The following RGMA variants were observed in gnomAD, a reference collection of about 807,000 sequenced individuals.
RGMA encodes the protein repulsive guidance molecule A.
RGMA carries 10 observed loss-of-function variants against 23.2 expected under a neutral mutation model. That is an observed-to-expected ratio of 0.43 (90% confidence interval 0.27 to 0.73). The LOEUF is 0.73. Among genes scored for constraint, RGMA ranks in the 30% least tolerant of loss-of-function variants. RGMA has a pLI of 0.20. For synonymous variants in RGMA, 308 were observed against 279.3 expected (o/e 1.10, Z -1.03); for missense variants, 547 against 630.5 (o/e 0.87, Z 1.42).
chr15:93,056,522 G>A (rs1261942405), intron 2 of RGMA, among the ~76,000 whole-genome samples: 1 of 152,170 alleles, frequency 6.6e-6, no homozygotes, highest in Admixed American at 6.5e-5. Context: ...GTAGCTGTCT[G>A]CCTGCCACTC....
At chr15:93,073,894 G>C in intron 1 of RGMA, 2 of 1,458,490 alleles carry the variant, frequency 1.4e-6, no homozygotes, top group Non-Finnish European at 9.0e-7. Context: ...ACTCCAGAGA[G>C]ATGGCTATGC....
intron 3 of RGMA, among the ~76,000 whole-genome samples, chr15:93,048,881 C>T (rs2141801595): frequency 2.3e-5 from 2 of 85,834 alleles, no homozygotes. Context: ...GCCTGGTGTG[C>T]AGGGCCACAC....
At chr15:93,055,063 C>T (rs1014995201) in intron 2 of RGMA, among the ~76,000 whole-genome samples, 42 of 152,138 alleles carry the variant, frequency 2.8e-4, no homozygotes, top group South Asian at 1.7e-3. Context: ...ACACACAATG[C>T]CTGTCCCGGC....
rs373158205 is a variant in RGMA at position 93,035,618 on chromosome 15, G to C, written c.*9380C>G. ...GCAAGACCAATTTAGCAGGACTCTT[G>C]CTAAAACCGAACAATCCAGAGACAA... is the stretch of plus-strand genomic sequence containing the variant. On this transcript the variant is annotated 3_prime_UTR_variant, in exon 4 of 4. Transcript: ENST00000329082. 1 of 152,260 alleles carries C rather than the reference G, an allele frequency of 6.6e-6. No individual in the cohort carries two copies. The highest frequency in any genetic ancestry group is 1.5e-5 in the Non-Finnish European group (1 of 68,092). 9.4% of individuals were successfully genotyped at this position (152,260 alleles called of 1,614,324 possible).
intron 2 of RGMA, among the ~76,000 whole-genome samples, chr15:93,072,587 T>TC (rs1231591384): frequency 1.3e-5 from 2 of 151,768 alleles, no homozygotes; most frequent in African/African-American, 2.4e-5. Flanking sequence ...CCTCCCCTTC[T>TC]CCCCCTCTTC....
At chr15:93,049,538 T>G (rs1406755340) in intron 3 of RGMA, among the ~76,000 whole-genome samples, 1 of 152,138 alleles carries the variant, frequency 6.6e-6, no homozygotes, top group Non-Finnish European at 1.5e-5. Flanking sequence ...GGCTAAAATG[T>G]CCACGTAGAA....
At chr15:93,072,785 C>A (rs3752102) in intron 2 of RGMA, 131 bp downstream of exon 2, 477,498 of 997,536 alleles carry the variant, frequency 0.48, 122,400 homozygotes, top group East Asian at 0.89. Context: ...ACAAAAGACC[C>A]GTGGAAATAG....
At chr15:93,049,119 G>T (rs888802563) in intron 3 of RGMA, among the ~76,000 whole-genome samples, 2 of 152,222 alleles carry the variant, frequency 1.3e-5, no homozygotes, top group Non-Finnish European at 2.9e-5. Context: ...ACACAGCCAC[G>T]GGCGGGCTGC....
At chr15:93,070,959 C>A (rs891448125) in intron 2 of RGMA, among the ~76,000 whole-genome samples, 1 of 152,216 alleles carries the variant, frequency 6.6e-6, no homozygotes, top group African/African-American at 2.4e-5. Context: ...AACAAAACCA[C>A]CACCACTCAG....
rs371229752 is a variant in RGMA at position 93,057,560 on chromosome 15, AACG to A, written c.131-5056_131-5054del. On this transcript the variant is annotated intron_variant, in intron 2 of 3. Transcript: ENST00000329082. ...CCACCTCCAGAACGCTGAGAAAATA[AACG>A]TCTGTTGCTTAAGCCTCCTAGGCTG... 7.2e-5 allele frequency among the ~76,000 whole-genome samples: 11 copies of A among 152,214 alleles called. No homozygotes were observed. In the East Asian group the frequency reaches 1.5e-3, roughly 21 times the overall value.
rs1596099446 is a variant in RGMA at position 93,067,615 on chromosome 15, G to A, written c.130+5301C>T. Among the ~76,000 whole-genome samples the A allele has an allele frequency of 2.0e-5, 3 of 152,262 alleles. No homozygotes were observed. In the South Asian group the frequency reaches 6.2e-4, roughly 32 times the overall value. ...ACTGAGCTTGGAGTGGTGAAACTGG[G>A]CAGTGTCCAGAGCAATGCCTTAGAG... is the stretch of plus-strand genomic sequence containing the variant. On this transcript the variant is annotated intron_variant, in intron 2 of 3. Coordinates refer to ENST00000329082, the MANE Select transcript of RGMA (RefSeq NM_020211.3).
At chr15:93,085,653 G>A (rs1895624185) in intron 1 of RGMA, among the ~76,000 whole-genome samples, 1 of 152,194 alleles carries the variant, frequency 6.6e-6, no homozygotes, top group African/African-American at 2.4e-5. Flanking sequence ...AGTTACCAGT[G>A]ACTTAAAACT....
intron 2 of RGMA, chr15:93,065,946 G>A: frequency 1.2e-6 from 1 of 810,176 alleles, no homozygotes; most frequent in Non-Finnish European, 2.0e-6. Context: ...ACCGTCGGTA[G>A]AAGAAGGGTG....
At chr15:93,087,433 G>A (rs1410002466) in intron 1 of RGMA, among the ~76,000 whole-genome samples, 2 of 108,408 alleles carry the variant, frequency 1.8e-5, no homozygotes, top group Non-Finnish European at 3.4e-5. Flanking sequence ...ACTTGCTGTG[G>A]TAACAGCAAG....
At position 93,072,987 on chromosome 15, in the gene RGMA, C is replaced by T. The variant is rs772631907; in HGVS notation, c.59G>A (p.Gly20Glu). The T allele has an allele frequency of 6.2e-7, 1 of 1,611,520 alleles. No homozygotes were observed. Among genetic ancestry groups the T allele is most frequent in the South Asian group, 1.1e-5 (1 of 90,198 alleles). The change falls in exon 2 of 4, where the codon GGG (glycine) becomes GAG (glutamate). Residue 20 changes from glycine to glutamate, a missense_variant. Gly to Glu is a moderately conservative substitution (Grantham distance 98, BLOSUM62 -2). Transcript: ENST00000329082. ...VTGRAGWMGM[G>E]RGAGRSALGF... ...CAGGGCTGAACGTCCTGCCCCTCTC[C>T]CCATACCCATCCATCCAGCTCGGCC...
intron 1 of RGMA, among the ~76,000 whole-genome samples, chr15:93,074,749 T>G (rs1895441963): frequency 6.6e-6 from 1 of 152,178 alleles, no homozygotes; most frequent in Non-Finnish European, 1.5e-5. Flanking sequence ...CCCAACAATT[T>G]ATTCTGCAGC....
At chr15:93,069,298 C>T (rs548767817) in intron 2 of RGMA, among the ~76,000 whole-genome samples, 3 of 152,266 alleles carry the variant, frequency 2.0e-5, no homozygotes, top group East Asian at 3.9e-4. Context: ...TCAGTAGAAA[C>T]GGGGTTTCGC....
intron 2 of RGMA, among the ~76,000 whole-genome samples, chr15:93,055,044 C>T (rs1488563808): frequency 2.0e-5 from 3 of 152,102 alleles, no homozygotes; most frequent in Non-Finnish European, 4.4e-5. Flanking sequence ...CTGACTGGCG[C>T]GGTGGCCTAC....
intron 2 of RGMA, among the ~76,000 whole-genome samples, chr15:93,055,664 T>A (rs527565835): frequency 8.5e-5 from 13 of 152,352 alleles, no homozygotes; most frequent in African/African-American, 3.1e-4. Context: ...ACCCATCTTA[T>A]GACACTGTGC....
Sources: allele counts gnomAD v4.1 joint callset (sites outside exome capture counted in the v4.1 genomes callset), GRCh38; gene constraint gnomAD v4.1.1; transcripts MANE v1.5; gene names NCBI Gene and HGNC (gene_info 2026-07-23, HGNC 2026-07-21).